IFT88: variants seen among roughly 807,000 people sequenced by gnomAD.
IFT88 encodes the protein intraflagellar transport 88.
Under a neutral mutation model 119.5 loss-of-function variants are expected in IFT88, and 74 were observed. The observed-to-expected ratio is 0.62, with a 90% CI of 0.51 to 0.75. The LOEUF is 0.75. Ranked by LOEUF, IFT88 falls within the 30% of genes least tolerant of loss-of-function variation. IFT88 has a pLI of 0.00. For synonymous variants in IFT88, 279 were observed against 316.7 expected (o/e 0.88, Z 1.26); for missense variants, 961 against 977.7 (o/e 0.98, Z 0.23).
At chr13:20,602,327 C>G (rs964433074) in intron 12 of IFT88, among the ~76,000 whole-genome samples, 2 of 151,480 alleles carry the variant, frequency 1.3e-5, no homozygotes, top group Admixed American at 6.6e-5. Flanking sequence ...GCCTCAGCCT[C>G]CTGAGTAGCT....
At chr13:20,673,227 A>G (rs1037770649) in intron 24 of IFT88, among the ~76,000 whole-genome samples, 5 of 149,606 alleles carry the variant, frequency 3.3e-5, no homozygotes, top group African/African-American at 1.3e-4. Context: ...AAGTTCTCTG[A>G]CCCTTCCCTG....
chr13:20,644,712 T>C, intron 19 of IFT88, 131 bp from the exon 20 acceptor site: 1 of 505,090 alleles, frequency 2.0e-6, no homozygotes, highest in Non-Finnish European at 3.5e-6. Flanking sequence ...TACAAAGTAC[T>C]TAGGACAGTT....
At chr13:20,614,517 A>G (rs554334342) in intron 13 of IFT88, 1 of 152,328 alleles carries the variant, frequency 6.6e-6, no homozygotes, top group South Asian at 2.1e-4. Context: ...TTAAAATGAT[A>G]AAATTGTAGA....
rs183687563 is a variant in IFT88 at position 20,596,577 on chromosome 13, G to A, written c.489+337G>A. On this transcript the variant is annotated intron_variant, in intron 8 of 25. Coordinates refer to ENST00000351808, the MANE Select transcript of IFT88 (RefSeq NM_006531.5). ...TACCATGAGCCACACACAGTACTAAGGGCTGTTTTCTTCTTGAAGTCTCTC... is the reference window on the plus strand; with the variant it reads ...TACCATGAGCCACACACAGTACTAAAGGCTGTTTTCTTCTTGAAGTCTCTC... Among the ~76,000 whole-genome samples the A allele has an allele frequency of 7.9e-5, 12 of 152,212 alleles. No individual in the cohort carries two copies. In the East Asian group the frequency reaches 2.3e-3, roughly 29 times the overall value.
rs774737836 is a variant in IFT88 at position 20,643,605 on chromosome 13, G to A, written c.1833G>A (p.Glu611=). 1 of 1,585,236 alleles carries A rather than the reference G, an allele frequency of 6.3e-7. No individual in the cohort carries two copies. The highest frequency in any genetic ancestry group is 8.6e-7 in the Non-Finnish European group (1 of 1,163,770). ...CTCAAGCATTTCAATATTACTATGA[G>A]GTAGGTGTGTTATCTTAATTTCCTT... ...DKSQAFQYYY[E]SYRYFPCNIE... Residue 611 remains glutamate (E), a splice_region_variant and synonymous_variant, in exon 19 of 26, where the codon GAG becomes GAA. Transcript: ENST00000351808.
At chr13:20,580,789 G>A (rs921648637) in intron 2 of IFT88, among the ~76,000 whole-genome samples, 9 of 146,806 alleles carry the variant, frequency 6.1e-5, no homozygotes, top group East Asian at 2.0e-4. Context: ...GCATTGGCGC[G>A]ACCTCTGCTC....
In IFT88 at chr13:20,691,237, C is replaced by A; in HGVS notation, c.*62C>A. The A allele has an allele frequency of 1.4e-6, 2 of 1,449,468 alleles. No individual in the cohort carries two copies. Among genetic ancestry groups the A allele is most frequent in the Non-Finnish European group, 1.9e-6 (2 of 1,063,294 alleles). 89.8% of individuals were successfully genotyped at this position (1,449,468 alleles called of 1,614,324 possible). ...CTTATGAGATCATCCTCATGTTAAA[C>A]CTTGGATTAAATATCTAACCTGTAA... On this transcript the variant is annotated 3_prime_UTR_variant, in exon 26 of 26. Coordinates refer to ENST00000351808, the MANE Select transcript of IFT88 (RefSeq NM_006531.5).
At chr13:20,611,186 T>G (rs548451313) in intron 13 of IFT88, among the ~76,000 whole-genome samples, 10 of 151,458 alleles carry the variant, frequency 6.6e-5, no homozygotes, top group Admixed American at 1.3e-4. Context: ...CCAGGAAAAT[T>G]TTTTCACAAA....
chr13:20,614,651 G>A (rs78655366), intron 13 of IFT88, among the ~76,000 whole-genome samples: 2,635 of 152,180 alleles, frequency 0.017, 64 homozygotes, highest in African/African-American at 0.06. Flanking sequence ...ACAGTAATCT[G>A]GTTGTGATAC....
chr13:20,606,023 G>A (rs2043375902), intron 13 of IFT88, among the ~76,000 whole-genome samples: 1 of 24,184 alleles, frequency 4.1e-5, no homozygotes. Context: ...CATGATGTAG[G>A]CATGATTTTT....
chr13:20,568,602 TC>T (rs1259290990), intron 1 of IFT88, among the ~76,000 whole-genome samples: 2 of 152,208 alleles, frequency 1.3e-5, no homozygotes, highest in Non-Finnish European at 2.9e-5. Context: ...CTCAAAGTGG[TC>T]CCCAGACCAG....
rs537378455 is a variant in IFT88 at position 20,622,580 on chromosome 13, T to C, written c.1200-3170T>C. On this transcript the variant is annotated intron_variant, in intron 14 of 25. Transcript: ENST00000351808. ...TAATTTGCAATTCCCTAATGACATATGATGTCGAGCATCTTTTCATGTACT... is the reference window on the plus strand; with the variant it reads ...TAATTTGCAATTCCCTAATGACATACGATGTCGAGCATCTTTTCATGTACT... 3.7e-4 allele frequency among the ~76,000 whole-genome samples: 56 copies of C among 152,368 alleles called. No individual in the cohort carries two copies. The South Asian group carries it at 7.0e-3, about 19-fold the overall frequency.
intron 18 of IFT88, chr13:20,643,000 A>G (rs2050191657): frequency 7.1e-6 from 1 of 140,192 alleles, no homozygotes; most frequent in Non-Finnish European, 1.5e-5. Context: ...AAGACTTAGT[A>G]GGTACTAAAA....
chr13:20,685,130 A>G, intron 24 of IFT88, among the ~76,000 whole-genome samples: 1 of 152,246 alleles, frequency 6.6e-6, no homozygotes, highest in East Asian at 1.9e-4. Flanking sequence ...TGGGAAACAA[A>G]GCAATTTTAG....
intron 22 of IFT88, among the ~76,000 whole-genome samples, chr13:20,661,121 A>G (rs1018707045): frequency 6.6e-6 from 1 of 152,226 alleles, no homozygotes; most frequent in Non-Finnish European, 1.5e-5. Flanking sequence ...GTTAACTGAT[A>G]TAGGTTAATA....
At chr13:20,651,428 A>G (rs1566358046) in intron 20 of IFT88, among the ~76,000 whole-genome samples, 1 of 145,690 alleles carries the variant, frequency 6.9e-6, no homozygotes, top group East Asian at 2.1e-4. Flanking sequence ...ATACTTACAC[A>G]TGTTTGTGTA....
intron 1 of IFT88, among the ~76,000 whole-genome samples, chr13:20,569,940 G>C (rs1425420663): frequency 1.3e-5 from 2 of 151,800 alleles, no homozygotes; most frequent in Non-Finnish European, 2.9e-5. Flanking sequence ...AGCTACTCGA[G>C]AGGCTGAGGC....
At chr13:20,630,576 ATT>A (rs1566268095) in intron 15 of IFT88, among the ~76,000 whole-genome samples, 1 of 151,918 alleles carries the variant, frequency 6.6e-6, no homozygotes. Context: ...TCATATTTTT[ATT>A]TTTTTAGAGA....
chr13:20,670,520 T>C (rs1191512044), intron 23 of IFT88, among the ~76,000 whole-genome samples: 2 of 138,972 alleles, frequency 1.4e-5, no homozygotes, highest in African/African-American at 2.7e-5. Context: ...AAACTCAGCT[T>C]ACCTTTTTTT....
Sources: gnomAD v4.1 joint callset for allele counts (sites outside exome capture counted in the v4.1 genomes callset) on GRCh38, gnomAD v4.1.1 for gene constraint, MANE v1.5 for transcripts, NCBI Gene and HGNC (gene_info 2026-07-23, HGNC 2026-07-21) for gene names.